The following PDE3A variants were observed in gnomAD, a reference collection of about 807,000 sequenced individuals.
PDE3A encodes the protein phosphodiesterase 3A, also known as cGMP-inhibited 3',5'-cyclic phosphodiesterase 3A.
In PDE3A, 43 loss-of-function variants were observed where a neutral mutation model predicts 98.3. That is an observed-to-expected ratio of 0.44 (90% confidence interval 0.34 to 0.56). The LOEUF (loss-of-function observed/expected upper bound fraction) is 0.56. PDE3A is among the 20% of genes least tolerant of loss of function. PDE3A has a pLI of 0.01. For synonymous variants in PDE3A, 663 were observed against 567.9 expected, an observed-to-expected ratio of 1.17 and a Z score of -2.38; for missense variants, 1,427 against 1,440.7, an observed-to-expected ratio of 0.99 and a Z score of 0.15.
At chr12:20,609,688 C>T (rs1246819922) in intron 2 of PDE3A, among the ~76,000 whole-genome samples, 1 of 151,906 alleles carries the variant, frequency 6.6e-6, no homozygotes, top group African/African-American at 2.4e-5. Flanking sequence ...ATGCTACTGG[C>T]ATAACAACAG....
intron 1 of PDE3A, among the ~76,000 whole-genome samples, chr12:20,537,993 G>T (rs1941793586): frequency 1.3e-5 from 2 of 152,016 alleles, no homozygotes; most frequent in Admixed American, 6.6e-5. Context: ...TTATATACAT[G>T]GTATGAACCA....
At chr12:20,623,534 C>T (rs1486386475) in intron 5 of PDE3A, among the ~76,000 whole-genome samples, 1 of 151,956 alleles carries the variant, frequency 6.6e-6, no homozygotes, top group Non-Finnish European at 1.5e-5. Context: ...AAATTTTGTG[C>T]CTGGCAGATG....
At chr12:20,403,306 C>A (rs1944167979) in intron 1 of PDE3A, among the ~76,000 whole-genome samples, 1 of 152,168 alleles carries the variant, frequency 6.6e-6, no homozygotes, top group Admixed American at 6.5e-5. Context: ...AATGTTAATT[C>A]TCTCCCTTAC....
chr12:20,467,925 C>G (rs1478665114), intron 1 of PDE3A, among the ~76,000 whole-genome samples: 2 of 88,884 alleles, frequency 2.3e-5, no homozygotes, highest in Non-Finnish European at 4.0e-5. Context: ...CAGAGCGAGA[C>G]TCCTTCTCAA....
At chr12:20,525,470 G>C (rs563073592) in intron 1 of PDE3A, among the ~76,000 whole-genome samples, 50 of 146,576 alleles carry the variant, frequency 3.4e-4, no homozygotes, top group African/African-American at 1.1e-3. Flanking sequence ...ATTTGGTTGG[G>C]GGGGGGGGCT....
At chr12:20,375,099 T>TA (rs1055778595) in intron 1 of PDE3A, among the ~76,000 whole-genome samples, 7 of 151,892 alleles carry the variant, frequency 4.6e-5, no homozygotes, top group East Asian at 3.9e-4. Context: ...TATATCTTCT[T>TA]AAAAAAACCC....
intron 1 of PDE3A, among the ~76,000 whole-genome samples, chr12:20,535,004 A>C (rs1338561673): frequency 6.6e-6 from 1 of 152,204 alleles, no homozygotes; most frequent in Non-Finnish European, 1.5e-5. Flanking sequence ...CATTTAGCAG[A>C]GGTCTTCTAA....
intron 1 of PDE3A, among the ~76,000 whole-genome samples, chr12:20,526,851 T>C (rs1353388328): frequency 6.6e-6 from 1 of 151,548 alleles, no homozygotes; most frequent in Non-Finnish European, 1.5e-5. Flanking sequence ...TAAAACATCT[T>C]CATGTTTTAA....
intron 1 of PDE3A, among the ~76,000 whole-genome samples, chr12:20,534,910 G>C (rs1227626643): frequency 6.6e-6 from 1 of 152,004 alleles, no homozygotes; most frequent in Non-Finnish European, 1.5e-5. Context: ...CAATTGAAAT[G>C]AATCTTGAAT....
chr12:20,576,866 G>A (rs1278442992), intron 2 of PDE3A, among the ~76,000 whole-genome samples: 1 of 151,936 alleles, frequency 6.6e-6, no homozygotes, highest in Admixed American at 6.6e-5. Flanking sequence ...ACAAGATTCA[G>A]CAACCTAGAG....
At chr12:20,474,318 C>T (rs990396179) in intron 1 of PDE3A, among the ~76,000 whole-genome samples, 4 of 151,978 alleles carry the variant, frequency 2.6e-5, no homozygotes, top group African/African-American at 4.8e-5. Context: ...TACATATTTT[C>T]GATATGTGTC....
intron 1 of PDE3A, among the ~76,000 whole-genome samples, chr12:20,543,017 A>G (rs1941959876): frequency 6.6e-6 from 1 of 152,066 alleles, no homozygotes; most frequent in Non-Finnish European, 1.5e-5. Flanking sequence ...GACATAAATA[A>G]TGCAAGAGGT....
intron 1 of PDE3A, among the ~76,000 whole-genome samples, chr12:20,401,065 A>G (rs1169412550): frequency 6.6e-6 from 1 of 152,146 alleles, no homozygotes; most frequent in African/African-American, 2.4e-5. Flanking sequence ...TAGATGGCCA[A>G]AACATCACTG....
chr12:20,613,459 T>G lies in PDE3A; in HGVS notation c.1028T>G (p.Ile343Ser), dbSNP rs751242769. Residue 343 changes from isoleucine (I) to serine (S), a missense_variant, in exon 3 of 16, where the codon ATT (isoleucine) becomes AGT (serine). By Grantham distance (142) the Ile-to-Ser change is moderately radical. Around this residue, in one of 3 missense-constraint regions of PDE3A, gnomAD observed 1,012 missense variants for 886.5 expected, o/e 1.14. Coordinates refer to ENST00000359062, the MANE Select transcript of PDE3A (RefSeq NM_000921.5). ...GTGTCTCAGTCTTCAGGAACCAGTATTACTGTGGACATCGCCGTCATGGGC... is the reference window on the plus strand; with the variant it reads ...GTGTCTCAGTCTTCAGGAACCAGTAGTACTGTGGACATCGCCGTCATGGGC... The part of the protein sequence containing the change: ...PRGSQSSGTS[I>S]TVDIAVMGEA... The G allele has an allele frequency of 2.5e-6, 4 of 1,614,164 alleles. No homozygotes were observed. The South Asian group carries it at 4.4e-5, about 18-fold the overall frequency.
chr12:20,675,988 C>T (rs541427903), intron 15 of PDE3A, among the ~76,000 whole-genome samples: 9 of 152,196 alleles, frequency 5.9e-5, no homozygotes, highest in African/African-American at 2.2e-4. Flanking sequence ...AGGTGATTAT[C>T]GATATCTGAG....
At chr12:20,565,285 A>ATCTT (rs1327012744) in intron 2 of PDE3A, among the ~76,000 whole-genome samples, 15 of 152,016 alleles carry the variant, frequency 9.9e-5, no homozygotes, top group Non-Finnish European at 1.8e-4. Context: ...AGTTAATTTT[A>ATCTT]TCTTTGAATT....
chr12:20,652,613 G>T (rs1475797687), intron 14 of PDE3A, among the ~76,000 whole-genome samples: 1 of 152,014 alleles, frequency 6.6e-6, no homozygotes, highest in Non-Finnish European at 1.5e-5. Context: ...TTTTGATGGG[G>T]TTGTTTGTTT....
intron 1 of PDE3A, among the ~76,000 whole-genome samples, chr12:20,407,969 T>C (rs1005039680): frequency 2.6e-5 from 4 of 152,064 alleles, no homozygotes; most frequent in African/African-American, 7.2e-5. Flanking sequence ...CCCCAGGCTG[T>C]AGTGCAGTGA....
At chr12:20,371,808 G>A (rs539524682) in intron 1 of PDE3A, among the ~76,000 whole-genome samples, 2 of 152,216 alleles carry the variant, frequency 1.3e-5, no homozygotes, top group South Asian at 4.1e-4. Context: ...CTATTTGAGG[G>A]TAAACTAACC....
Sources: allele counts gnomAD v4.1 joint callset (sites outside exome capture counted in the v4.1 genomes callset), GRCh38; gene constraint gnomAD v4.1.1; regional missense constraint gnomAD v4.1.1; transcripts MANE v1.5; gene names NCBI Gene and HGNC (gene_info 2026-07-23, HGNC 2026-07-21).